DMD: variants seen among roughly 807,000 people sequenced by gnomAD.
DMD encodes mutant dystrophin.
A neutral mutation model predicts 330.1 loss-of-function variants in DMD; 63 were observed. That is an observed-to-expected ratio of 0.19 (90% confidence interval 0.16 to 0.24). The LOEUF (loss-of-function observed/expected upper bound fraction) is 0.24. DMD is among the 10% of genes least tolerant of loss of function. The pLI is 1.00. For synonymous variants in DMD, 1,223 were observed against 959.8 expected (o/e 1.27, Z -5.07); for missense variants, 3,344 against 2,684.1 (o/e 1.25, Z -5.43).
chrX:32,877,996 C>T (rs1218879374), intron 2 of DMD, among the ~76,000 whole-genome samples: 4 of 112,318 alleles, frequency 3.6e-5, no homozygotes, highest in African/African-American at 1.3e-4. Context: ...AAATTCTCCT[C>T]TCCACATGGG....
At chrX:33,337,685 G>C (rs1031202122) in intron 1 of DMD, among the ~76,000 whole-genome samples, 6 of 112,130 alleles carry the variant, frequency 5.4e-5, no homozygotes, top group African/African-American at 1.9e-4. Flanking sequence ...CAAAACAGAA[G>C]TTAGCAATTA....
chrX:31,970,105 G>T (rs1217071551), intron 44 of DMD, among the ~76,000 whole-genome samples: 1 of 111,916 alleles, frequency 8.9e-6, no homozygotes, highest in Non-Finnish European at 1.9e-5. Context: ...GTCAGATATT[G>T]TGTCTTATTC....
At chrX:31,823,132 C>T (rs1284327861) in intron 49 of DMD, among the ~76,000 whole-genome samples, 2 of 112,963 alleles carry the variant, frequency 1.8e-5, no homozygotes, top group Non-Finnish European at 3.7e-5. Flanking sequence ...TCTCATGCCC[C>T]TTTGTTCAGG....
intron 7 of DMD, among the ~76,000 whole-genome samples, chrX:32,716,286 T>C: frequency 9.0e-6 from 1 of 110,792 alleles, no homozygotes; most frequent in Non-Finnish European, 1.9e-5. Context: ...AATTTCCCAG[T>C]TGCTGTTCTC....
intron 55 of DMD, among the ~76,000 whole-genome samples, chrX:31,581,691 T>C (rs1196828057): frequency 8.9e-6 from 1 of 112,389 alleles, no homozygotes; most frequent in Non-Finnish European, 1.9e-5. Flanking sequence ...TTGCTTCATC[T>C]ATGTAAAAAC....
intron 2 of DMD, among the ~76,000 whole-genome samples, chrX:32,912,354 C>T (rs1435335851): frequency 9.0e-6 from 1 of 110,956 alleles, no homozygotes; most frequent in Admixed American, 9.6e-5. Context: ...CTGGCACACA[C>T]AGTCTACAAA....
Position 31,694,586 on chromosome X carries a change from T to A in DMD, c.7661-15000A>T, listed in dbSNP as rs1185271807. Among the ~76,000 whole-genome samples, 4 of 96,474 alleles carry A rather than the reference T, an allele frequency of 4.1e-5. No homozygotes were observed. In the Admixed American group the frequency reaches 4.8e-4, roughly 12 times the overall value. The allele number at this position is 96,474 out of a possible 115,157, so 83.8% of individuals were successfully genotyped here. A position where few individuals can be genotyped will look rare whatever the true frequency, so the allele number is the denominator to read the frequency against. ...CCTAATAAAAAAATGGGCAAATATA[T>A]GAATAGACATTCTCAAAAGATGACA... On this transcript the variant is annotated intron_variant, in intron 52 of 78. Transcript: ENST00000357033.
At chrX:32,064,507 C>T (rs1286288391) in intron 44 of DMD, among the ~76,000 whole-genome samples, 1 of 111,448 alleles carries the variant, frequency 9.0e-6, no homozygotes, top group African/African-American at 3.2e-5. Flanking sequence ...CCTTGGCAAA[C>T]GTTAAACAAG....
intron 1 of DMD, among the ~76,000 whole-genome samples, chrX:33,028,235 G>A (rs945142817): frequency 2.7e-5 from 3 of 111,597 alleles, no homozygotes; most frequent in Non-Finnish European, 3.8e-5. Flanking sequence ...ATGTGTTTAC[G>A]GGGTAGTATT....
At chrX:32,624,569 C>G (rs1022817585) in intron 11 of DMD, among the ~76,000 whole-genome samples, 1 of 111,404 alleles carries the variant, frequency 9.0e-6, no homozygotes, top group Non-Finnish European at 1.9e-5. Context: ...ATATGAATCA[C>G]CTGGAGAGTG....
chrX:33,093,018 T>G (rs2095106493), intron 1 of DMD, among the ~76,000 whole-genome samples: 1 of 110,698 alleles, frequency 9.0e-6, no homozygotes, highest in South Asian at 3.8e-4. Flanking sequence ...GGATTATAGG[T>G]GCCCGCCACC....
chrX:32,366,636 T>A (rs1382551312), intron 34 of DMD, among the ~76,000 whole-genome samples: 1 of 110,418 alleles, frequency 9.1e-6, no homozygotes, highest in Non-Finnish European at 1.9e-5. Context: ...CCTCATAGAG[T>A]CACTCTCAAC....
intron 44 of DMD, among the ~76,000 whole-genome samples, chrX:32,190,515 T>C (rs112120671): frequency 0.064 from 6,210 of 96,825 alleles, 614 homozygotes; most frequent in African/African-American, 0.23. Flanking sequence ...TTCATAAACA[T>C]TGTCGTCATA....
At chrX:32,662,641 C>CATA (rs2061021238) in intron 9 of DMD, among the ~76,000 whole-genome samples, 1 of 111,504 alleles carries the variant, frequency 9.0e-6, no homozygotes, top group Non-Finnish European at 1.9e-5. Flanking sequence ...CATAAACTCC[C>CATA]AATTATTCTG....
intron 55 of DMD, among the ~76,000 whole-genome samples, chrX:31,571,904 C>T (rs891076408): frequency 9.8e-5 from 11 of 111,688 alleles, no homozygotes; most frequent in African/African-American, 3.6e-4. Context: ...TAGATAAATA[C>T]TCCCTGAACT....
At chrX:31,953,967 T>A (rs1390579227) in intron 45 of DMD, among the ~76,000 whole-genome samples, 1 of 111,390 alleles carries the variant, frequency 9.0e-6, no homozygotes, top group Non-Finnish European at 1.9e-5. Flanking sequence ...GTACTCTGAT[T>A]TACTACTGCC....
chrX:32,286,906 T>A (rs1014813430), intron 43 of DMD, among the ~76,000 whole-genome samples: 11 of 111,830 alleles, frequency 9.8e-5, no homozygotes, highest in Non-Finnish European at 1.9e-5. Context: ...ACTTTTAATC[T>A]AAAAATGTAA....
At chrX:31,236,941 G>C (rs752213228) in intron 63 of DMD, among the ~76,000 whole-genome samples, 74 of 111,728 alleles carry the variant, frequency 6.6e-4, no homozygotes, top group Non-Finnish European at 9.4e-5. Flanking sequence ...TTTAGGTTCT[G>C]AGTGAAAATG....
intron 30 of DMD, among the ~76,000 whole-genome samples, chrX:32,404,241 CCT>C (rs1483393010): frequency 9.0e-6 from 1 of 111,402 alleles, no homozygotes; most frequent in African/African-American, 3.3e-5. Context: ...TTAAAAATCC[CCT>C]CTTTTCTAAA....
Sources: allele counts gnomAD v4.1 joint callset (sites outside exome capture counted in the v4.1 genomes callset), GRCh38; gene constraint gnomAD v4.1.1; transcripts MANE v1.5; gene names NCBI Gene and HGNC (gene_info 2026-07-23, HGNC 2026-07-21).